The following OVOL2 variants were observed in gnomAD, a reference collection of about 807,000 sequenced individuals.
OVOL2 encodes ovo like zinc finger 2.
Under a neutral mutation model 18.1 loss-of-function variants are expected in OVOL2, and 13 were observed. That is an observed-to-expected ratio of 0.72 (90% CI 0.47 to 1.14). The LOEUF is 1.14. Ranked by LOEUF, OVOL2 falls within the 50% of genes most tolerant of loss-of-function variation. The pLI is 0.00. For missense variants in OVOL2, 335 were observed against 383.0 expected (o/e 0.87, Z 1.05); for synonymous variants, 166 against 162.7 (o/e 1.02, Z -0.16).
chr20:18,032,308 A>G (rs117777364), intron 3 of OVOL2, among the ~76,000 whole-genome samples: 2,630 of 147,484 alleles, frequency 0.018, 23 homozygotes, highest in Non-Finnish European at 0.03. Flanking sequence ...GGAAGGAAGG[A>G]GAGAGAGAGA....
chr20:18,037,150 A>AAAAAAAAGAAAG (rs751298916), intron 3 of OVOL2, among the ~76,000 whole-genome samples: 2 of 147,146 alleles, frequency 1.4e-5, no homozygotes, highest in Admixed American at 6.9e-5. Context: ...AAAAAAAAAA[A>AAAAAAAAGAAAG]AAAGAAAGAA....
chr20:18,036,034 C>T lies in OVOL2; in HGVS notation c.511+5500G>A, dbSNP rs62206507. On this transcript the variant is annotated intron_variant, in intron 3 of 3. Transcript: ENST00000278780. ...TTTGGCCGAGTGCAGTGCCTCATGT[C>T]TGTAATCCCAGCACTTTGGGAGGCT... 9.0e-3 allele frequency among the ~76,000 whole-genome samples: 1,367 copies of T among 152,264 alleles called. 11 individuals carry two copies. Among genetic ancestry groups the T allele is most frequent in the Middle Eastern group, 0.017 (5 of 294 alleles).
intron 2 of OVOL2, among the ~76,000 whole-genome samples, chr20:18,053,683 C>CAG (rs1186685846): frequency 2.9e-5 from 4 of 137,438 alleles, no homozygotes; most frequent in African/African-American, 1.2e-4. Context: ...CTCCAGGCGA[C>CAG]AGAGAGAGAC....
intron 2 of OVOL2, among the ~76,000 whole-genome samples, chr20:18,050,937 G>A (rs1005406565): frequency 6.6e-6 from 1 of 152,200 alleles, no homozygotes; most frequent in African/African-American, 2.4e-5. Context: ...AGTGGAGCAG[G>A]GGGAGGAGTA....
Position 18,057,731 on chromosome 20 carries a change from G to T in OVOL2, c.-97C>A, listed in dbSNP as rs1244618801. 2.1e-6 allele frequency: 3 copies of T among 1,453,134 alleles called. No individual in the cohort carries two copies. Among genetic ancestry groups the T allele is most frequent in the Non-Finnish European group, 1.8e-6 (2 of 1,106,506 alleles). 90.0% of individuals were successfully genotyped at this position (1,453,134 alleles called of 1,614,324 possible). ...CCGTCCCCGGCTCCCGGCGGCCAGA[G>T]CCCACCTTCCCGCCTCGCCTGCCCT... On this transcript the variant is annotated 5_prime_UTR_variant, in exon 1 of 4. Coordinates refer to ENST00000278780, the MANE Select transcript of OVOL2 (RefSeq NM_021220.4). This position sits in a 1 kb window ranked among gnomAD's most constrained non-coding sequence, Gnocchi z 6.3.
chr20:18,058,304 G>A (rs1257318446), upstream of OVOL2, among the ~76,000 whole-genome samples: 3 of 151,968 alleles, frequency 2.0e-5, no homozygotes, highest in Non-Finnish European at 2.9e-5. Flanking sequence ...ATGAAATCTG[G>A]GCGGTCAGAA....
At chr20:18,058,978 C>T (rs2036854846), upstream of OVOL2, 1 of 152,312 alleles carries the variant, frequency 6.6e-6, no homozygotes, top group South Asian at 2.1e-4. Context: ...GGTCGCCCTC[C>T]TCCAGGAGGT....
At position 18,056,232 on chromosome 20, in the gene OVOL2, G is replaced by T. The variant is rs1031240798; in HGVS notation, c.321+425C>A. ...TGAACTCTCAGAATCGCGGCGCCAG[G>T]AACTGCGTCCCAGAGGGTGGAATTT... On this transcript the variant is annotated intron_variant, in intron 2 of 3. Coordinates refer to ENST00000278780, the MANE Select transcript of OVOL2 (RefSeq NM_021220.4). This position sits in a 1 kb window ranked among gnomAD's most constrained non-coding sequence, Gnocchi z 4.2. Among the ~76,000 whole-genome samples the T allele has an allele frequency of 7.2e-5, 11 of 152,212 alleles. No homozygotes were observed. The highest frequency in any genetic ancestry group is 2.7e-4 in the African/African-American group (11 of 41,452).
chr20:18,031,686 C>T (rs1202411365), intron 3 of OVOL2, among the ~76,000 whole-genome samples: 1 of 152,224 alleles, frequency 6.6e-6, no homozygotes. Flanking sequence ...TTACTTATTT[C>T]ACAACAAAAG....
rs1273267357 is a variant in OVOL2, at chr20:18,057,639, G to A, written c.-5C>T. ...CACCAGGAAGACTTTGGGCATGGTG[G>A]GGTCCCCTCTCCCGACTGCGGCCCC... On this transcript the variant is annotated 5_prime_UTR_variant, in exon 1 of 4. Coordinates refer to ENST00000278780, the MANE Select transcript of OVOL2 (RefSeq NM_021220.4). This position sits in a 1 kb window ranked among gnomAD's most constrained non-coding sequence, Gnocchi z 6.3. 4.5e-6 allele frequency: 7 copies of A among 1,571,146 alleles called. No individual in the cohort carries two copies. The Admixed American group carries it at 1.3e-4, about 29-fold the overall frequency.
Position 18,024,592 on chromosome 20 carries a change from G to T in OVOL2, c.*44C>A. ...AAGCTGAAAACCAAAAATCCACGTA[G>T]ACATACGTGGCAGTGTGAACGTCTG... On this transcript the variant is annotated 3_prime_UTR_variant, in exon 4 of 4. Coordinates refer to ENST00000278780, the MANE Select transcript of OVOL2 (RefSeq NM_021220.4). The T allele has an allele frequency of 6.6e-7, 1 of 1,505,130 alleles. No homozygotes were observed. The highest frequency in any genetic ancestry group is 1.3e-5 in the South Asian group (1 of 75,862). 93.2% of individuals were successfully genotyped at this position (1,505,130 alleles called of 1,614,324 possible). A position where few individuals can be genotyped will look rare whatever the true frequency, so the allele number is the denominator to read the frequency against.
chr20:18,045,775 T>A (rs1429260919), intron 2 of OVOL2, among the ~76,000 whole-genome samples: 1 of 152,056 alleles, frequency 6.6e-6, no homozygotes, highest in Non-Finnish European at 1.5e-5. Flanking sequence ...CACAATGACT[T>A]GCCAGGAAGC....
chr20:18,041,713 C>T lies in OVOL2; in HGVS notation c.332G>A (p.Gly111Asp). Residue 111 changes from glycine (G) to aspartate (D), a missense_variant, in exon 3 of 4, where the codon GGC becomes GAC. Gly to Asp is a moderately conservative substitution (Grantham distance 94). Transcript: ENST00000278780. The part of the protein sequence containing the change: ...VARSKIKFTT[G>D]TCSDSVVHSC... ...GTGAACCACCGAGTCGCTGCACGTG[C>T]CTGTGGTGAACTGGGGGCAGAGAGA... 1 of 1,611,774 alleles carries T rather than the reference C, an allele frequency of 6.2e-7. No individual in the cohort carries two copies. The highest frequency in any genetic ancestry group is 2.2e-5 in the East Asian group (1 of 44,800).
At chr20:18,031,928 T>C in intron 3 of OVOL2, among the ~76,000 whole-genome samples, 1 of 152,240 alleles carries the variant, frequency 6.6e-6, no homozygotes, top group East Asian at 1.9e-4. Context: ...TCTAGTTGCT[T>C]TCCTTGCTAT....
At position 18,057,724 on chromosome 20, in the gene OVOL2, G is replaced by C. The variant is rs1228172614; in HGVS notation, c.-90C>G. 5 of 1,459,446 alleles carry C rather than the reference G, an allele frequency of 3.4e-6. No homozygotes were observed. The highest frequency in any genetic ancestry group is 4.5e-6 in the Non-Finnish European group (5 of 1,108,596). 90.4% of individuals were successfully genotyped at this position (1,459,446 alleles called of 1,614,324 possible). On this transcript the variant is annotated 5_prime_UTR_variant, in exon 1 of 4. Transcript: ENST00000278780. The surrounding 1 kb of genome is among the most constrained non-coding windows in gnomAD (Gnocchi z 6.3). ...GGCGGCTCCGTCCCCGGCTCCCGGCGGCCAGAGCCCACCTTCCCGCCTCGC... is the reference window on the plus strand; with the variant it reads ...GGCGGCTCCGTCCCCGGCTCCCGGCCGCCAGAGCCCACCTTCCCGCCTCGC...
chr20:18,058,943 C>T (rs147998621), upstream of OVOL2: 6 of 152,360 alleles, frequency 3.9e-5, no homozygotes, highest in African/African-American at 1.4e-4. Context: ...CCCAGGACAA[C>T]CGGCACAGCC....
chr20:18,035,318 G>A (rs2036606628), intron 3 of OVOL2, among the ~76,000 whole-genome samples: 1 of 152,192 alleles, frequency 6.6e-6, no homozygotes. Context: ...AGGCGTGGTG[G>A]CATGTGCCTA....
At chr20:18,042,864 C>A (rs1270439817) in intron 2 of OVOL2, among the ~76,000 whole-genome samples, 1 of 151,952 alleles carries the variant, frequency 6.6e-6, no homozygotes, top group East Asian at 1.9e-4. Context: ...CCCCTTCCGC[C>A]TTCTATGAGT....
At chr20:18,039,221 G>C (rs1011880207) in intron 3 of OVOL2, among the ~76,000 whole-genome samples, 4 of 152,198 alleles carry the variant, frequency 2.6e-5, no homozygotes, top group African/African-American at 7.2e-5. Flanking sequence ...ACTGCTAGTC[G>C]CATGAGTGTG....
Sources: gnomAD v4.1 joint callset for allele counts (sites outside exome capture counted in the v4.1 genomes callset) on GRCh38, gnomAD v4.1.1 for gene constraint, Gnocchi (gnomAD v3.1) non-coding constraint, MANE v1.5 for transcripts, NCBI Gene and HGNC (gene_info 2026-07-23, HGNC 2026-07-21) for gene names.